GEMIN7: variants seen among roughly 807,000 people sequenced by gnomAD.
GEMIN7 encodes the protein gem nuclear organelle associated protein 7.
A neutral mutation model predicts 7.8 loss-of-function variants in GEMIN7; 7 were observed. The observed-to-expected ratio is 0.90, with a 90% CI of 0.51 to 1.69. GEMIN7 has a LOEUF of 1.69. Ranked by LOEUF, GEMIN7 falls within the 40% of genes most tolerant of loss-of-function variation. The pLI is 0.00. For synonymous variants in GEMIN7, 68 were observed against 72.4 expected, an observed-to-expected ratio of 0.94 and a Z score of 0.31; for missense variants, 159 against 176.2, an observed-to-expected ratio of 0.90 and a Z score of 0.55.
chr19:45,083,108 T>C (rs917674457), intron 2 of GEMIN7, among the ~76,000 whole-genome samples: 2 of 152,186 alleles, frequency 1.3e-5, no homozygotes, highest in African/African-American at 4.8e-5. Context: ...AGACCTCTGC[T>C]ACGTATTTTG....
At chr19:45,083,862 G>A (rs964420455) in intron 2 of GEMIN7, among the ~76,000 whole-genome samples, 1 of 151,776 alleles carries the variant, frequency 6.6e-6, no homozygotes, top group Non-Finnish European at 1.5e-5. Flanking sequence ...GCCTCCCAAA[G>A]TTCTGGAATT....
At chr19:45,084,965 G>T (rs1967631103) in intron 2 of GEMIN7, among the ~76,000 whole-genome samples, 1 of 152,200 alleles carries the variant, frequency 6.6e-6, no homozygotes, top group Non-Finnish European at 1.5e-5. Context: ...TAGAGGCAGG[G>T]TCTCTCCATG....
chr19:45,086,103 G>A (rs1487064049), intron 2 of GEMIN7, among the ~76,000 whole-genome samples: 1 of 151,458 alleles, frequency 6.6e-6, no homozygotes, highest in African/African-American at 2.4e-5. Flanking sequence ...TCCTGACCTC[G>A]TGATCCGCCT....
At chr19:45,078,036 C>G (rs1231236035), upstream of GEMIN7, among the ~76,000 whole-genome samples, 1 of 151,690 alleles carries the variant, frequency 6.6e-6, no homozygotes, top group Non-Finnish European at 1.5e-5. Context: ...AGCCTCAGAC[C>G]ACCCAATTTT....
chr19:45,086,232 C>T (rs1011266244), intron 2 of GEMIN7, among the ~76,000 whole-genome samples: 2 of 151,680 alleles, frequency 1.3e-5, no homozygotes, highest in Admixed American at 6.6e-5. Flanking sequence ...CACTGCACTC[C>T]GGCCTGGGTG....
intron 2 of GEMIN7, among the ~76,000 whole-genome samples, chr19:45,088,224 G>T (rs193189229): frequency 6.6e-6 from 1 of 152,242 alleles, no homozygotes; most frequent in Admixed American, 6.5e-5. Context: ...GGGATTACAG[G>T]TGTGAGCCAC....
Position 45,090,507 on chromosome 19 carries a change from A to C in GEMIN7, c.393A>C (p.Pro131=). Residue 131 remains proline (P), a synonymous_variant, in exon 3 of 3, where the codon CCA becomes CCC. Transcript: ENST00000270257. ...CSDIISYTFK[P] ...ACATTATTTCATATACCTTCAAGCCATAAAGATATTGTGTTCACTTTTCTG... is the reference window on the plus strand; with the variant it reads ...ACATTATTTCATATACCTTCAAGCCCTAAAGATATTGTGTTCACTTTTCTG... The C allele has an allele frequency of 1.2e-6, 2 of 1,604,156 alleles. No homozygotes were observed. Among genetic ancestry groups the C allele is most frequent in the Non-Finnish European group, 1.7e-6 (2 of 1,172,322 alleles).
At chr19:45,089,598 A>C (rs1358031565) in intron 2 of GEMIN7, among the ~76,000 whole-genome samples, 2 of 152,004 alleles carry the variant, frequency 1.3e-5, no homozygotes. Flanking sequence ...GTGCAGTTGC[A>C]CAATTACAGC....
upstream of GEMIN7, chr19:45,076,065 G>GGGGTGCCC (rs1568426946): frequency 6.3e-7 from 1 of 1,580,200 alleles, no homozygotes; most frequent in Admixed American, 2.0e-5. This position sits in a 1 kb window ranked among gnomAD's most constrained non-coding sequence, Gnocchi z 4.9. Context: ...CCCAGGGCCC[G>GGGGTGCCC]GGGTGCTCAC....
chr19:45,084,793 T>C (rs1024526149), intron 2 of GEMIN7, among the ~76,000 whole-genome samples: 31 of 152,260 alleles, frequency 2.0e-4, no homozygotes, highest in Non-Finnish European at 4.0e-4. Context: ...TTCACTCTTG[T>C]TGCCTAGGCT....
chr19:45,076,561 G>A (rs983925973), upstream of GEMIN7: 1 of 384,604 alleles, frequency 2.6e-6, no homozygotes, highest in East Asian at 4.3e-5. The surrounding 1 kb of genome is among the most constrained non-coding windows in gnomAD (Gnocchi z 4.9). Flanking sequence ...GGAGGGGACC[G>A]AGCCGCCCTG....
upstream of GEMIN7, among the ~76,000 whole-genome samples, chr19:45,078,687 ATCCCT>A: frequency 6.6e-6 from 1 of 152,198 alleles, no homozygotes; most frequent in Non-Finnish European, 1.5e-5. Flanking sequence ...GGCCCACAGG[ATCCCT>A]GCGTAAAGAG....
At chr19:45,076,076 C>T (rs1381375643), upstream of GEMIN7, 2 of 1,581,424 alleles carry the variant, frequency 1.3e-6, no homozygotes, top group Admixed American at 2.0e-5. The surrounding 1 kb of genome is among the most constrained non-coding windows in gnomAD (Gnocchi z 4.9). Context: ...GGGTGCTCAC[C>T]GGGATAGTTC....
chr19:45,087,669 C>A (rs941307787), intron 2 of GEMIN7, among the ~76,000 whole-genome samples: 11 of 152,130 alleles, frequency 7.2e-5, no homozygotes, highest in Non-Finnish European at 1.6e-4. Context: ...GCGTGGTACA[C>A]CACGAGGGTG....
upstream of GEMIN7, chr19:45,076,171 T>C: frequency 6.6e-7 from 1 of 1,506,922 alleles, no homozygotes; most frequent in Non-Finnish European, 8.8e-7. This position sits in a 1 kb window ranked among gnomAD's most constrained non-coding sequence, Gnocchi z 4.9. Flanking sequence ...GCCAGGGGAG[T>C]GGTGGGGTTC....
chr19:45,084,396 T>C (rs888989143), intron 2 of GEMIN7, among the ~76,000 whole-genome samples: 1 of 151,306 alleles, frequency 6.6e-6, no homozygotes, highest in Non-Finnish European at 1.5e-5. Flanking sequence ...TAATTAAAAA[T>C]TTTATTTATT....
intron 2 of GEMIN7, among the ~76,000 whole-genome samples, chr19:45,082,448 T>G (rs7250924): frequency 2.0e-5 from 3 of 151,858 alleles, no homozygotes; most frequent in Non-Finnish European, 4.4e-5. Context: ...CCTACTCACT[T>G]TGGGTCATCA....
intron 2 of GEMIN7, among the ~76,000 whole-genome samples, chr19:45,082,879 C>T (rs1319950697): frequency 6.6e-6 from 1 of 151,674 alleles, no homozygotes; most frequent in Non-Finnish European, 1.5e-5. Context: ...CCTCAGTCTC[C>T]CAAGGTGCTG....
At chr19:45,081,600 C>T (rs1469490171) in intron 2 of GEMIN7, among the ~76,000 whole-genome samples, 1 of 151,032 alleles carries the variant, frequency 6.6e-6, no homozygotes, top group African/African-American at 2.4e-5. Context: ...CTGTCCATCA[C>T]CGAGGGCTCT....
Sources: gnomAD v4.1 joint callset for allele counts (sites outside exome capture counted in the v4.1 genomes callset) on GRCh38, gnomAD v4.1.1 for gene constraint, Gnocchi (gnomAD v3.1) non-coding constraint, MANE v1.5 for transcripts, NCBI Gene and HGNC (gene_info 2026-07-23, HGNC 2026-07-21) for gene names.